The following PPP2R5C variants were observed in gnomAD, a reference collection of about 807,000 sequenced individuals.
PPP2R5C encodes serine/threonine-protein phosphatase 2A 56 kDa regulatory subunit gamma isoform.
PPP2R5C carries 7 observed loss-of-function variants against 68.9 expected under a neutral mutation model. The ratio of observed to expected loss-of-function variants is 0.10; its 90% CI spans 0.06 to 0.19. The LOEUF is 0.19. Among genes scored for constraint, PPP2R5C ranks in the 10% least tolerant of loss-of-function variants. The probability of loss-of-function intolerance (pLI) is 1.00; values close to 1 mark genes in which losing one functional copy is unlikely to be tolerated. For missense variants in PPP2R5C, 348 were observed against 641.3 expected, an observed-to-expected ratio of 0.54 and a Z score of 4.94; for synonymous variants, 210 against 222.2, an observed-to-expected ratio of 0.95 and a Z score of 0.49.
chr14:101,919,969 C>CAAAAA lies in PPP2R5C; in HGVS notation c.1443+2041_1443+2045dup, dbSNP rs34641396. Among the ~76,000 whole-genome samples, 150 of 52,762 alleles carry CAAAAA rather than the reference C, an allele frequency of 2.8e-3. 2 individuals are homozygous for CAAAAA. The highest frequency in any genetic ancestry group is 0.01 in the African/African-American group (112 of 11,120). The allele number at this position is 52,762 out of a possible 152,430, so 34.6% of individuals were successfully genotyped here. A position where few individuals can be genotyped will look rare whatever the true frequency, so the allele number is the denominator to read the frequency against. On this transcript the variant is annotated intron_variant, in intron 13 of 13. Coordinates refer to ENST00000334743, the Ensembl canonical transcript of PPP2R5C. ...GGGCAAGAAAAGCAAAACTCCGTCT[C>CAAAAA]AAAAAAAAAAAAAAAAAAAAAAACC...
intron 2 of PPP2R5C, among the ~76,000 whole-genome samples, chr14:101,875,404 G>C (rs766536170): frequency 2.0e-5 from 3 of 152,094 alleles, no homozygotes; most frequent in African/African-American, 4.8e-5. Context: ...TTAAAATTAG[G>C]GGCCCAATTA....
chr14:101,812,203 C>G (rs1348934976), intron 1 of PPP2R5C, among the ~76,000 whole-genome samples: 1 of 152,160 alleles, frequency 6.6e-6, no homozygotes, highest in Admixed American at 6.5e-5. Context: ...CTCCGGTGTG[C>G]CAAGTGCTGA....
At chr14:101,771,222 C>CGTATGTGT (rs2037131278) in intron 2 of PPP2R5C, among the ~76,000 whole-genome samples, 1 of 135,396 alleles carries the variant, frequency 7.4e-6, no homozygotes, top group Admixed American at 7.6e-5. Context: ...TTCTTCATCT[C>CGTATGTGT]GTGTGTGTGT....
intron 5 of PPP2R5C, among the ~76,000 whole-genome samples, chr14:101,887,488 C>T (rs535166346): frequency 6.6e-6 from 1 of 152,334 alleles, no homozygotes; most frequent in South Asian, 2.1e-4. Context: ...ACGATGCTGT[C>T]GTCTGCGCTA....
chr14:101,761,077 AAGGGGAGGGG>A (rs1175956652), upstream of PPP2R5C, among the ~76,000 whole-genome samples: 3 of 47,688 alleles, frequency 6.3e-5, no homozygotes, highest in Non-Finnish European at 1.2e-4. Context: ...GAGAGGAGGG[AAGGGGAGGGG>A]AGGGAAGGGA....
chr14:101,832,181 A>C (rs963986617), intron 1 of PPP2R5C, among the ~76,000 whole-genome samples: 1 of 152,220 alleles, frequency 6.6e-6, no homozygotes, highest in African/African-American at 2.4e-5. Flanking sequence ...AATAGTCAAC[A>C]TAGAAATCTA....
intron 1 of PPP2R5C, chr14:101,820,369 G>A (rs1000845568): frequency 2.6e-5 from 4 of 152,148 alleles, no homozygotes; most frequent in African/African-American, 7.2e-5. Flanking sequence ...TGATGTATAC[G>A]GTGGAAGGTC....
At chr14:101,769,507 A>C (rs574141609) in intron 2 of PPP2R5C, among the ~76,000 whole-genome samples, 2 of 152,302 alleles carry the variant, frequency 1.3e-5, no homozygotes, top group African/African-American at 4.8e-5. Flanking sequence ...ACAATAAAAA[A>C]CTTGTTTATT....
chr14:101,848,616 A>G (rs1194966921), intron 1 of PPP2R5C, among the ~76,000 whole-genome samples: 1 of 152,180 alleles, frequency 6.6e-6, no homozygotes, highest in Non-Finnish European at 1.5e-5. Flanking sequence ...AGGTAGATCC[A>G]GGTGAGTTTA....
At chr14:101,826,335 G>A (rs1431034700) in intron 1 of PPP2R5C, among the ~76,000 whole-genome samples, 2 of 152,152 alleles carry the variant, frequency 1.3e-5, no homozygotes, top group Non-Finnish European at 2.9e-5. Context: ...TGAGGTAAGG[G>A]TCCAACTTCC....
chr14:101,873,173 G>A (rs1302494203), intron 2 of PPP2R5C, among the ~76,000 whole-genome samples: 1 of 151,944 alleles, frequency 6.6e-6, no homozygotes, highest in Admixed American at 6.6e-5. Context: ...TAACTTTTTG[G>A]ACACAATACT....
intron 10 of PPP2R5C, among the ~76,000 whole-genome samples, chr14:101,907,041 G>A (rs919195969): frequency 3.3e-5 from 5 of 152,064 alleles, no homozygotes; most frequent in African/African-American, 1.2e-4. Context: ...CTCCTACTCC[G>A]CTCCTTCATC....
chr14:101,885,213 G>A (rs1278391779), intron 5 of PPP2R5C, among the ~76,000 whole-genome samples: 2 of 152,208 alleles, frequency 1.3e-5, no homozygotes, highest in Non-Finnish European at 2.9e-5. Context: ...CGGGCCTCGG[G>A]GTCCTTTCTT....
At chr14:101,927,621 C>T (rs2047330985) in exon 14 of PPP2R5C, 1 of 152,542 alleles carries the variant, frequency 6.6e-6, no homozygotes, top group African/African-American at 2.4e-5. Context: ...GTATGGCTTC[C>T]TTTTAATATT....
chr14:101,791,493 A>C (rs1219703291), intron 3 of PPP2R5C, among the ~76,000 whole-genome samples: 1 of 152,236 alleles, frequency 6.6e-6, no homozygotes, highest in Non-Finnish European at 1.5e-5. Flanking sequence ...TACACTGTGT[A>C]TAAAATAGTG....
rs771015327 is a variant in PPP2R5C, at chr14:101,888,898, C to T, written c.630-1339C>T. Among the ~76,000 whole-genome samples, 10 of 152,156 alleles carry T rather than the reference C, an allele frequency of 6.6e-5. No homozygotes were observed. Among genetic ancestry groups the T allele is most frequent in the East Asian group, 1.9e-4 (1 of 5,176 alleles). On this transcript the variant is annotated intron_variant, in intron 5 of 13. Coordinates refer to ENST00000334743, the Ensembl canonical transcript of PPP2R5C. This position sits in a 1 kb window ranked among gnomAD's most constrained non-coding sequence, Gnocchi z 5.6. ...TGAGCCACTGTGCCCGGCCAGATTT[C>T]GGCTTTTCTAAGCTGGCCTTCCAGC... is the stretch of plus-strand genomic sequence containing the variant.
At chr14:101,779,113 G>A (rs1276860274) in intron 2 of PPP2R5C, among the ~76,000 whole-genome samples, 1 of 152,204 alleles carries the variant, frequency 6.6e-6, no homozygotes, top group African/African-American at 2.4e-5. Context: ...ACTAGGTTTT[G>A]TCTGGGAGGA....
At position 101,825,105 on chromosome 14, in the gene PPP2R5C, T is replaced by A. The variant is rs1182961718; in HGVS notation, c.94+15069T>A. On this transcript the variant is annotated intron_variant, in intron 1 of 13. Transcript: ENST00000334743. The surrounding 1 kb of genome is among the most constrained non-coding windows in gnomAD (Gnocchi z 4.0). ...ATCTTCGTCACTACACAAGGGGAAG[T>A]TGGGCTAAGAATAAATTTGTTTTGG... 6.6e-6 allele frequency among the ~76,000 whole-genome samples: 1 copy of A among 151,958 alleles called. No individual in the cohort carries two copies. The highest frequency in any genetic ancestry group is 1.5e-5 in the Non-Finnish European group (1 of 67,990).
chr14:101,787,959 T>C (rs1225766311), intron 3 of PPP2R5C, among the ~76,000 whole-genome samples: 1 of 152,190 alleles, frequency 6.6e-6, no homozygotes, highest in Non-Finnish European at 1.5e-5. Flanking sequence ...GTTGAGCGCC[T>C]GTGAAAGCTA....
Sources: gnomAD v4.1 joint callset for allele counts (sites outside exome capture counted in the v4.1 genomes callset) on GRCh38, gnomAD v4.1.1 for gene constraint, Gnocchi (gnomAD v3.1) non-coding constraint, MANE v1.5 for transcripts, NCBI Gene and HGNC (gene_info 2026-07-23, HGNC 2026-07-21) for gene names.